The following GOLGA6L2 variants were observed in gnomAD, a reference collection of about 807,000 sequenced individuals.
The protein encoded by GOLGA6L2 is golgin subfamily A member 6-like protein 2.
In GOLGA6L2, 30 loss-of-function variants were observed where a neutral mutation model predicts 35.9. The observed-to-expected ratio is 0.83, with a 90% confidence interval of 0.62 to 1.13. GOLGA6L2 has a LOEUF of 1.13. Ranked by LOEUF, GOLGA6L2 falls within the 50% of genes most tolerant of loss-of-function variation. The probability of loss-of-function intolerance (pLI) is 0.00; values close to 1 mark genes in which losing one functional copy is unlikely to be tolerated. For missense variants in GOLGA6L2, 821 were observed against 973.4 expected, an observed-to-expected ratio of 0.84 and a Z score of 2.08; for synonymous variants, 297 against 344.0, an observed-to-expected ratio of 0.86 and a Z score of 1.51.
In GOLGA6L2 at chr15:23,441,078, A is replaced by G. The variant is rs1336140947; in HGVS notation, c.1397T>C (p.Met466Thr). 3.9e-6 allele frequency: 6 copies of G among 1,529,038 alleles called. No homozygotes were observed. The highest frequency in any genetic ancestry group is 5.3e-6 in the Non-Finnish European group (6 of 1,141,230). The allele number at this position is 1,529,038 out of a possible 1,614,324, so 94.7% of individuals were successfully genotyped here. The change falls in exon 8 of 8, where the codon ATG (methionine) becomes ACG (threonine). Residue 466 changes from methionine to threonine, a missense_variant. Physicochemically the swap from Met to Thr is moderately conservative, Grantham distance 81. Coordinates refer to ENST00000567107, the MANE Select transcript of GOLGA6L2 (RefSeq NM_001304388.2). ...CTGCATCTTCTCCTCCTGCTCCCGC[A>G]TCGTCTCCTCCTCTTCCCGCATCTT... ...EKKMREEEET[M>T]REQEEKMQKQ...
At chr15:23,445,736 AC>A (rs1388377230) in intron 1 of GOLGA6L2, among the ~76,000 whole-genome samples, 1 of 152,226 alleles carries the variant, frequency 6.6e-6, no homozygotes, top group African/African-American at 2.4e-5. Flanking sequence ...AGGAAAGTGT[AC>A]ACTGTTTGGT....
chr15:23,442,661 AT>A (rs2070708986), intron 5 of GOLGA6L2, among the ~76,000 whole-genome samples, 153 bp from the exon 6 acceptor site: 1 of 49,054 alleles, frequency 2.0e-5, no homozygotes, highest in Non-Finnish European at 5.9e-5. Flanking sequence ...CCATGGTCTC[AT>A]TTTTTTTTCT....
At position 23,441,159 on chromosome 15, in the gene GOLGA6L2, GTCT is replaced by G. The variant is rs576119844; in HGVS notation, c.1313_1315del (p.Lys438del). On this transcript the variant is annotated inframe_deletion, in exon 8 of 8. Coordinates refer to ENST00000567107, the MANE Select transcript of GOLGA6L2 (RefSeq NM_001304388.2). ...TTGCATCTTCTCCTCCTGGTCCCGC[GTCT>G]TCTTCTCCTGCTCCTGCATCTTCTT... 11 of 1,496,786 alleles carry G rather than the reference GTCT, an allele frequency of 7.3e-6. No individual in the cohort carries two copies. Among genetic ancestry groups the G allele is most frequent in the South Asian group, 1.2e-5 (1 of 81,744 alleles). The allele number at this position is 1,496,786 out of a possible 1,614,324, so 92.7% of individuals were successfully genotyped here.
rs745978724 is a variant in GOLGA6L2 at position 23,441,610 on chromosome 15, G to T, written c.865C>A (p.Arg289=). 6.5e-6 allele frequency: 10 copies of T among 1,547,676 alleles called. No homozygotes were observed. Among genetic ancestry groups the T allele is most frequent in the Non-Finnish European group, 8.7e-6 (10 of 1,146,068 alleles). Residue 289 remains arginine, a synonymous_variant, in exon 8 of 8, where the codon CGG becomes AGG. Transcript: ENST00000567107. ...EELREQEKKI[R]KQEEKMWRQE... Reference sequence around the variant, plus strand: ...CTCCACATCTTCTCCTCCTGCTTCCGTATCTTCTTTTCCTGCTCCCGTAGC... The same window carrying T: ...CTCCACATCTTCTCCTCCTGCTTCCTTATCTTCTTTTCCTGCTCCCGTAGC...
At chr15:23,446,965 G>A (rs1886801301) in intron 1 of GOLGA6L2, 133 bp downstream of exon 1, 10 of 564,416 alleles carry the variant, frequency 1.8e-5, no homozygotes, top group Non-Finnish European at 2.5e-5. Context: ...TTTGATTGGG[G>A]GAGCCCAGCG....
intron 5 of GOLGA6L2, among the ~76,000 whole-genome samples, 155 bp from the exon 6 acceptor site, chr15:23,442,663 T>G (rs983567434): frequency 2.1e-5 from 1 of 48,426 alleles, no homozygotes; most frequent in African/African-American, 4.5e-5. Flanking sequence ...ATGGTCTCAT[T>G]TTTTTTTCTT....
chr15:23,445,670 A>T (rs1177277894), intron 1 of GOLGA6L2, among the ~76,000 whole-genome samples: 1 of 152,208 alleles, frequency 6.6e-6, no homozygotes, highest in Non-Finnish European at 1.5e-5. Flanking sequence ...TTTGCCACAA[A>T]TCGCAGCTGC....
intron 1 of GOLGA6L2, among the ~76,000 whole-genome samples, chr15:23,446,752 G>T (rs1353873912): frequency 1.3e-5 from 2 of 152,030 alleles, no homozygotes; most frequent in Non-Finnish European, 2.9e-5. Context: ...TCACCCTGGG[G>T]CGACTGGTGA....
Position 23,439,526 on chromosome 15 carries a change from G to T in GOLGA6L2, c.*219C>A. 2.9e-6 allele frequency: 4 copies of T among 1,388,150 alleles called. No individual in the cohort carries two copies. The highest frequency in any genetic ancestry group is 3.8e-6 in the Non-Finnish European group (4 of 1,044,208). 86.0% of individuals were successfully genotyped at this position (1,388,150 alleles called of 1,614,324 possible). ...GGCGGCTTATGCTTCTGTAGGCCTT[G>T]TTGACAGTGCCAACTTTTAGATATT... On this transcript the variant is annotated 3_prime_UTR_variant, in exon 8 of 8. Transcript: ENST00000567107.
At chr15:23,446,066 T>G (rs528926219) in intron 1 of GOLGA6L2, among the ~76,000 whole-genome samples, 1 of 152,324 alleles carries the variant, frequency 6.6e-6, no homozygotes, top group South Asian at 2.1e-4. Context: ...TGAGGAAGAT[T>G]CAAGTTGTCA....
chr15:23,442,178 T>G, intron 6 of GOLGA6L2, 58 bp from the exon 7 acceptor site: 7 of 1,531,692 alleles, frequency 4.6e-6, no homozygotes, highest in Non-Finnish European at 6.2e-6. Context: ...ACTGCTTTGG[T>G]GATCAACCCT....
Position 23,442,449 on chromosome 15 carries a change from C to G in GOLGA6L2, c.650+1G>C. On this transcript the variant is annotated splice_donor_variant, in intron 6 of 7. Transcript: ENST00000567107. LOFTEE classifies it high-confidence loss of function. ...TCCCATCCCACCTTCCCCCATCCTACGTGTTCCTGTACAGTTCCAGACTCA... is the reference window on the plus strand; with the variant it reads ...TCCCATCCCACCTTCCCCCATCCTAGGTGTTCCTGTACAGTTCCAGACTCA... The G allele has an allele frequency of 6.3e-7, 1 of 1,596,064 alleles. No individual in the cohort carries two copies. Among genetic ancestry groups the G allele is most frequent in the East Asian group, 2.2e-5 (1 of 44,748 alleles).
chr15:23,441,528 A>G lies in GOLGA6L2; in HGVS notation c.947T>C (p.Met316Thr). 3.6e-6 allele frequency: 5 copies of G among 1,396,666 alleles called. No homozygotes were observed. Among genetic ancestry groups the G allele is most frequent in the African/African-American group, 2.0e-5 (1 of 49,940 alleles). 86.5% of individuals were successfully genotyped at this position (1,396,666 alleles called of 1,614,324 possible). ...EGKMREQEEKMRRQEKRLREQ... is the reference protein window; with the variant it reads ...EGKMREQEEKTRRQEKRLREQ... ...TCGCAGCCTCTTCTCCTGTCTCCGC[A>G]TCTTCTCCTCCTGCTCCCGCATCTT... The change falls in exon 8 of 8, where the codon ATG becomes ACG. Residue 316 changes from methionine to threonine, a missense_variant. Transcript: ENST00000567107.
In GOLGA6L2 at chr15:23,444,198, G is replaced by T. The variant is rs1324701714; in HGVS notation, c.258C>A (p.Ser86Arg). ...GCCTTAGGGCTTCCTGATGTTGGTG[G>T]CTTGCCTTCTTTTCCTATAGAAAGA... is the stretch of plus-strand genomic sequence containing the variant. Reference protein sequence around the residue: ...RAQLKEEKKASHQHQEALRRE... With the variant: ...RAQLKEEKKARHQHQEALRRE... The change falls in exon 4 of 8, where the codon AGC (serine) becomes AGA (arginine). Residue 86 changes from serine (S) to arginine (R), a missense_variant. Ser to Arg is a moderately radical substitution (Grantham distance 110). This residue lies in a region of GOLGA6L2 where 614 missense variants were observed against 632.3 expected (regional missense o/e 0.97). Coordinates refer to ENST00000567107, the MANE Select transcript of GOLGA6L2 (RefSeq NM_001304388.2). 6.9e-6 allele frequency: 11 copies of T among 1,604,420 alleles called. No homozygotes were observed. Among genetic ancestry groups the T allele is most frequent in the Non-Finnish European group, 9.3e-6 (11 of 1,179,038 alleles).
chr15:23,441,473 C>A lies in GOLGA6L2; in HGVS notation c.1002G>T (p.Glu334Asp), dbSNP rs745746621. The A allele has an allele frequency of 2.1e-6, 3 of 1,403,902 alleles. No individual in the cohort carries two copies. The highest frequency in any genetic ancestry group is 2.6e-5 in the South Asian group (2 of 75,762). The allele number at this position is 1,403,902 out of a possible 1,614,324, so 87.0% of individuals were successfully genotyped here. Residue 334 changes from glutamate to aspartate, a missense_variant, in exon 8 of 8, where the codon GAG becomes GAT. Transcript: ENST00000567107. ...REQEKELREQEKELREQKKLR... is the reference protein window; with the variant it reads ...REQEKELREQDKELREQKKLR... ...GCTTCTTCTGCTCCCGCAGCTCCTT[C>A]TCCTGCTCCCGCAGCTCCTTCTCCT...
chr15:23,441,756 T>A, intron 7 of GOLGA6L2, 74 bp from the exon 8 acceptor site: 3 of 1,420,810 alleles, frequency 2.1e-6, no homozygotes, highest in Non-Finnish European at 2.8e-6. Flanking sequence ...TCTATGATTC[T>A]TTAAAAAAAA....
Position 23,441,138 on chromosome 15 carries a change from A to G in GOLGA6L2, c.1337T>C (p.Met446Thr), listed in dbSNP as rs2070677868. Residue 446 changes from methionine to threonine, a missense_variant, in exon 8 of 8, where the codon ATG becomes ACG. By Grantham distance (81) the Met-to-Thr change is moderately conservative. Transcript: ENST00000567107. ...EKKTRDQEEK[M>T]QEEERIRERE... is the part of the protein sequence containing the mutation. ...CTCCCGTATCCTCTCCTCCTCTTGC[A>G]TCTTCTCCTCCTGGTCCCGCGTCTT... The G allele has an allele frequency of 6.8e-7, 1 of 1,477,496 alleles. No homozygotes were observed. Among genetic ancestry groups the G allele is most frequent in the Non-Finnish European group, 9.0e-7 (1 of 1,116,750 alleles). The allele number at this position is 1,477,496 out of a possible 1,614,324, so 91.5% of individuals were successfully genotyped here.
intron 1 of GOLGA6L2, 143 bp downstream of exon 1, chr15:23,446,955 T>G: frequency 1.8e-6 from 1 of 545,836 alleles, no homozygotes. Flanking sequence ...CTGAGAAGAT[T>G]TTGATTGGGG....
chr15:23,439,838 A>G lies in GOLGA6L2; in HGVS notation c.2637T>C (p.Asp879=). Residue 879 remains aspartate (D), a synonymous_variant, in exon 8 of 8, where the codon GAT becomes GAC. Coordinates refer to ENST00000567107, the MANE Select transcript of GOLGA6L2 (RefSeq NM_001304388.2). ...AGGDAREGGE[D]TRSEREDAGE... is the part of the protein sequence containing the mutation. Reference sequence around the variant, plus strand: ...CTGCATCTTCTCTTTCTGATCTCGTATCCTCTCCTCCTTCTCTCGCATCTC... The same window carrying G: ...CTGCATCTTCTCTTTCTGATCTCGTGTCCTCTCCTCCTTCTCTCGCATCTC... 1 of 1,507,504 alleles carries G rather than the reference A, an allele frequency of 6.6e-7. No homozygotes were observed. The highest frequency in any genetic ancestry group is 2.5e-5 in the East Asian group (1 of 39,738). 93.4% of individuals were successfully genotyped at this position (1,507,504 alleles called of 1,614,324 possible).
Sources: gnomAD v4.1 joint callset for allele counts (sites outside exome capture counted in the v4.1 genomes callset) on GRCh38, gnomAD v4.1.1 for gene constraint, gnomAD v4.1.1 regional missense constraint, MANE v1.5 for transcripts, NCBI Gene and HGNC (gene_info 2026-07-23, HGNC 2026-07-21) for gene names.